The following ZNF714 variants were observed in gnomAD, a reference collection of about 807,000 sequenced individuals.
ZNF714 encodes the protein zinc finger protein 714.
In ZNF714, 32 loss-of-function variants were observed where a neutral mutation model predicts 46.2. The ratio of observed to expected loss-of-function variants is 0.69; its 90% CI spans 0.52 to 0.93. ZNF714 has a LOEUF of 0.93. ZNF714 is among the 40% of genes least tolerant of loss of function. The pLI is 0.00. For missense variants in ZNF714, 635 were observed against 646.3 expected, an observed-to-expected ratio of 0.98 and a Z score of 0.19; for synonymous variants, 199 against 213.1, an observed-to-expected ratio of 0.93 and a Z score of 0.58.
Position 21,120,702 on chromosome 19 carries a change from A to C in ZNF714, c.*2370A>C, listed in dbSNP as rs887204332. On this transcript the variant is annotated 3_prime_UTR_variant, in exon 5 of 5. Coordinates refer to ENST00000456283, the MANE Select transcript of ZNF714 (RefSeq NM_182515.4). ...ACTTTACCCTGTTCCACCTTACTGA[A>C]GGGTATAGGTAAAAGATGGTAACGA... is the stretch of plus-strand genomic sequence containing the variant. 3 of 152,124 alleles carry C rather than the reference A, an allele frequency of 2.0e-5. No individual in the cohort carries two copies. The highest frequency in any genetic ancestry group is 4.4e-5 in the Non-Finnish European group (3 of 68,014). 9.4% of individuals were successfully genotyped at this position (152,124 alleles called of 1,614,324 possible).
intron 4 of ZNF714, among the ~76,000 whole-genome samples, chr19:21,112,165 A>G (rs6511194): frequency 0.83 from 125,680 of 152,088 alleles, 53,616 homozygotes; most frequent in Middle Eastern, 0.94. Context: ...CAGAAGAAAT[A>G]GTACTCTTTG....
At chr19:21,088,648 T>C (rs963529640) in intron 2 of ZNF714, among the ~76,000 whole-genome samples, 2 of 152,246 alleles carry the variant, frequency 1.3e-5, no homozygotes, top group Non-Finnish European at 2.9e-5. Flanking sequence ...TTTACTTTTC[T>C]GACAAAATAT....
At chr19:21,097,179 A>T (rs371313877) in intron 2 of ZNF714, among the ~76,000 whole-genome samples, 1 of 152,280 alleles carries the variant, frequency 6.6e-6, no homozygotes, top group African/African-American at 2.4e-5. Context: ...TCAGGATAGC[A>T]TTTATTACCC....
At chr19:21,108,434 G>C (rs757001641) in intron 4 of ZNF714, among the ~76,000 whole-genome samples, 16 of 152,196 alleles carry the variant, frequency 1.1e-4, no homozygotes, top group Non-Finnish European at 2.1e-4. Context: ...GTGAAACCTG[G>C]TGGGAGGTGT....
chr19:21,084,573 C>G (rs776077528), intron 2 of ZNF714, among the ~76,000 whole-genome samples: 2 of 152,106 alleles, frequency 1.3e-5, no homozygotes, highest in Non-Finnish European at 2.9e-5. Context: ...ACATGAGTCA[C>G]ACACATCTGT....
At chr19:21,115,140 G>C (rs1376470224) in intron 4 of ZNF714, among the ~76,000 whole-genome samples, 1 of 151,126 alleles carries the variant, frequency 6.6e-6, no homozygotes, top group Non-Finnish European at 1.5e-5. Context: ...ACTTCAGCTG[G>C]ATTCATAAAT....
In ZNF714 at chr19:21,119,374, C is replaced by G; in HGVS notation, c.*1042C>G. On this transcript the variant is annotated 3_prime_UTR_variant, in exon 5 of 5. Coordinates refer to ENST00000456283, the MANE Select transcript of ZNF714 (RefSeq NM_182515.4). Reference sequence around the variant, plus strand: ...GCTGAGATTGCACTCTAGCCTGGGCCACAGAGCAAGACTCCATCTAAAAAG... The same window carrying G: ...GCTGAGATTGCACTCTAGCCTGGGCGACAGAGCAAGACTCCATCTAAAAAG... 11 of 210,188 alleles carry G rather than the reference C, an allele frequency of 5.2e-5. No individual in the cohort carries two copies. The highest frequency in any genetic ancestry group is 1.1e-4 in the South Asian group (2 of 18,392). The allele number at this position is 210,188 out of a possible 1,614,324, so 13.0% of individuals were successfully genotyped here.
At chr19:21,113,398 C>T (rs775810354) in intron 4 of ZNF714, among the ~76,000 whole-genome samples, 2 of 152,008 alleles carry the variant, frequency 1.3e-5, no homozygotes, top group Non-Finnish European at 1.5e-5. Flanking sequence ...CAGAGTGTTA[C>T]ACTGTCACCC....
At chr19:21,096,935 CAGCTCACTGCA>C (rs986091586) in intron 2 of ZNF714, among the ~76,000 whole-genome samples, 8 of 152,252 alleles carry the variant, frequency 5.3e-5, no homozygotes, top group Admixed American at 5.2e-4. Context: ...GGCGCAATCT[CAGCTCACTGCA>C]AGCTCCGCCT....
At position 21,108,334 on chromosome 19, in the gene ZNF714, C is replaced by T. The variant is rs888257687; in HGVS notation, c.143-8473C>T. Among the ~76,000 whole-genome samples the T allele has an allele frequency of 4.6e-5, 7 of 152,122 alleles. 1 individual carries two copies. Among genetic ancestry groups the T allele is most frequent in the Admixed American group, 4.6e-4 (7 of 15,276 alleles). ...TTGCTTTTAACTGAAAAGTTTTGTA[C>T]CTATCTGTTAAGCCTAGTTGGTCTG... On this transcript the variant is annotated intron_variant, in intron 4 of 4. Coordinates refer to ENST00000456283, the MANE Select transcript of ZNF714 (RefSeq NM_182515.4).
In ZNF714 at chr19:21,117,938, A is replaced by G; in HGVS notation, c.1274A>G (p.Tyr425Cys). ...ATAATTCATACTGGAGAGAAACTCT[A>G]CAAATGTGAAGAATGTGGCAAAGCT... ...HKIIHTGEKL[Y>C]KCEECGKAFN... The change falls in exon 5 of 5, where the codon TAC (tyrosine) becomes TGC (cysteine). Residue 425 changes from tyrosine (Y) to cysteine (C), a missense_variant. Coordinates refer to ENST00000456283, the MANE Select transcript of ZNF714 (RefSeq NM_182515.4). The G allele has an allele frequency of 6.2e-7, 1 of 1,613,340 alleles. No individual in the cohort carries two copies. Among genetic ancestry groups the G allele is most frequent in the Non-Finnish European group, 8.5e-7 (1 of 1,179,894 alleles).
intron 4 of ZNF714, among the ~76,000 whole-genome samples, chr19:21,111,928 A>G (rs552056970): frequency 4.4e-4 from 67 of 152,348 alleles, no homozygotes; most frequent in African/African-American, 1.6e-3. Flanking sequence ...CCAGGAATAA[A>G]GCTGACTTGA....
intron 4 of ZNF714, among the ~76,000 whole-genome samples, chr19:21,100,831 T>A (rs1969161400): frequency 6.6e-6 from 1 of 151,990 alleles, no homozygotes; most frequent in South Asian, 2.1e-4. Context: ...CCGTAGCCTC[T>A]CAAGTAGCTG....
In ZNF714 at chr19:21,121,807, CTG is replaced by C. The variant is rs1969707434; in HGVS notation, c.*3477_*3478del. The C allele has an allele frequency of 6.6e-6, 1 of 152,174 alleles. No homozygotes were observed. The highest frequency in any genetic ancestry group is 2.4e-5 in the African/African-American group (1 of 41,458). The allele number at this position is 152,174 out of a possible 1,614,324, so 9.4% of individuals were successfully genotyped here. A position where few individuals can be genotyped will look rare whatever the true frequency, so the allele number is the denominator to read the frequency against. ...TTCTGAACCTTTTCATGCAAATTCT[CTG>C]TATATACTTGCCTGGTACTCATGCT... On this transcript the variant is annotated 3_prime_UTR_variant, in exon 5 of 5. Transcript: ENST00000456283.
intron 4 of ZNF714, among the ~76,000 whole-genome samples, chr19:21,104,412 G>A (rs1221406875): frequency 6.6e-6 from 1 of 152,052 alleles, no homozygotes; most frequent in Non-Finnish European, 1.5e-5. Context: ...TGAGATTGCT[G>A]TATTTGATGA....
intron 4 of ZNF714, among the ~76,000 whole-genome samples, chr19:21,113,490 T>C (rs1178228364): frequency 5.6e-5 from 8 of 142,226 alleles, no homozygotes; most frequent in Non-Finnish European, 1.1e-4. Context: ...ATGTTACAAT[T>C]TTTTTTCTTT....
At chr19:21,111,772 T>C (rs1969453832) in intron 4 of ZNF714, among the ~76,000 whole-genome samples, 2 of 152,200 alleles carry the variant, frequency 1.3e-5, no homozygotes, top group African/African-American at 4.8e-5. Context: ...CCTAGTTTAT[T>C]GAGAGTTTTT....
intron 2 of ZNF714, among the ~76,000 whole-genome samples, chr19:21,089,125 A>G (rs1485631812): frequency 6.6e-6 from 1 of 152,180 alleles, no homozygotes; most frequent in Non-Finnish European, 1.5e-5. Flanking sequence ...AAAGTAAAAA[A>G]CATCAGATAA....
intron 2 of ZNF714, among the ~76,000 whole-genome samples, chr19:21,097,210 A>T (rs1427399019): frequency 3.3e-5 from 5 of 152,174 alleles, no homozygotes; most frequent in Non-Finnish European, 7.3e-5. Context: ...GGAGAAAATT[A>T]TTCAGAGATA....
Sources: gnomAD v4.1 joint callset for allele counts (sites outside exome capture counted in the v4.1 genomes callset) on GRCh38, gnomAD v4.1.1 for gene constraint, MANE v1.5 for transcripts, NCBI Gene and HGNC (gene_info 2026-07-23, HGNC 2026-07-21) for gene names.